The following ALPK2 variants were observed in gnomAD, a reference collection of about 807,000 sequenced individuals.
ALPK2 encodes the protein alpha-protein kinase 2.
Under a neutral mutation model 163.1 loss-of-function variants are expected in ALPK2, and 127 were observed. The observed-to-expected ratio is 0.78, with a 90% CI of 0.67 to 0.90. ALPK2 has a LOEUF of 0.90. ALPK2 is among the 40% of genes least tolerant of loss of function. The pLI, the probability that ALPK2 is intolerant of heterozygous loss-of-function variation, is 0.00. For synonymous variants in ALPK2, 953 were observed against 959.1 expected, an observed-to-expected ratio of 0.99 and a Z score of 0.12; for missense variants, 2,360 against 2,589.6, an observed-to-expected ratio of 0.91 and a Z score of 1.92.
intron 6 of ALPK2, among the ~76,000 whole-genome samples, chr18:58,525,834 A>G (rs2051581395): frequency 6.6e-6 from 1 of 152,130 alleles, no homozygotes; most frequent in African/African-American, 2.4e-5. Flanking sequence ...GAGCAGTAGT[A>G]TTAGTGGGGA....
At chr18:58,585,431 T>C (rs2051980516) in intron 3 of ALPK2, among the ~76,000 whole-genome samples, 1 of 152,184 alleles carries the variant, frequency 6.6e-6, no homozygotes, top group Admixed American at 6.5e-5. Flanking sequence ...ATATCAAGCT[T>C]AACAGAAGAT....
rs761004960 is a variant in ALPK2 at position 58,515,078 on chromosome 18, A to G, written c.5944T>C (p.Cys1982Arg). Reference protein sequence around the residue: ...QRNYKLAAQECYVQNTARYYA... With the variant: ...QRNYKLAAQERYVQNTARYYA... ...TACCTGGCAGTATTTTGAACATAGCATTCCTATATCGCCAAAATACATAGA... is the reference window on the plus strand; with the variant it reads ...TACCTGGCAGTATTTTGAACATAGCGTTCCTATATCGCCAAAATACATAGA... The change falls in exon 10 of 13, where the codon TGC becomes CGC. Residue 1982 changes from cysteine (C) to arginine (R), a missense_variant. By Grantham distance (180) the Cys-to-Arg change is radical. Transcript: ENST00000361673. The G allele has an allele frequency of 6.2e-6, 10 of 1,610,544 alleles. No homozygotes were observed. The South Asian group carries it at 8.8e-5, about 14-fold the overall frequency.
chr18:58,524,720 G>C (rs1282963689), intron 6 of ALPK2, among the ~76,000 whole-genome samples: 1 of 152,138 alleles, frequency 6.6e-6, no homozygotes, highest in Non-Finnish European at 1.5e-5. Context: ...ATCACATAAA[G>C]ATCAATTTCA....
At chr18:58,482,774 A>G (rs896709876) in intron 12 of ALPK2, among the ~76,000 whole-genome samples, 1 of 152,200 alleles carries the variant, frequency 6.6e-6, no homozygotes, top group Middle Eastern at 3.2e-3. Flanking sequence ...ATAAATGGCC[A>G]TGTTTTCATG....
Position 58,493,203 on chromosome 18 carries a change from T to C in ALPK2, c.6296+4846A>G, listed in dbSNP as rs576957961. Among the ~76,000 whole-genome samples, 8 of 152,228 alleles carry C rather than the reference T, an allele frequency of 5.3e-5. No individual in the cohort carries two copies. The South Asian group carries it at 1.7e-3, about 32-fold the overall frequency. The stretch of plus-strand genomic sequence containing the variant: ...GAGATTGGTCCGCTGATGCCTGGCA[T>C]TGGGGACTCAGCTGAAATGTTTGGT... On this transcript the variant is annotated intron_variant, in intron 12 of 12. Coordinates refer to ENST00000361673, the MANE Select transcript of ALPK2 (RefSeq NM_052947.4).
rs1236486336 is a variant in ALPK2 at position 58,536,095 on chromosome 18, T to G, written c.4092A>C (p.Gly1364=). The G allele has an allele frequency of 6.8e-6, 11 of 1,614,156 alleles. No individual in the cohort carries two copies. Among genetic ancestry groups the G allele is most frequent in the Non-Finnish European group, 7.6e-6 (9 of 1,180,024 alleles). ...TDSLSAASET[G]GKENVNNVSQ... is the part of the protein sequence containing the mutation. ...TCACATTGTTAACATTTTCCTTCCC[T>G]CCAGTTTCAGAAGCCGCTGACAGTG... Residue 1364 remains glycine (G), a synonymous_variant, in exon 5 of 13, where the codon GGA becomes GGC. Transcript: ENST00000361673.
chr18:58,551,547 C>T (rs1340508747), intron 4 of ALPK2, among the ~76,000 whole-genome samples: 3 of 152,192 alleles, frequency 2.0e-5, no homozygotes, highest in Non-Finnish European at 2.9e-5. Flanking sequence ...GCAGGGAACA[C>T]GATTCAACCC....
intron 1 of ALPK2, among the ~76,000 whole-genome samples, chr18:58,626,319 C>T (rs544097454): frequency 6.6e-6 from 1 of 152,252 alleles, no homozygotes; most frequent in South Asian, 2.1e-4. Flanking sequence ...TTATCACTGA[C>T]CCCGCGCAAT....
chr18:58,526,155 T>G (rs568990751), intron 6 of ALPK2, among the ~76,000 whole-genome samples: 1 of 152,240 alleles, frequency 6.6e-6, no homozygotes, highest in South Asian at 2.1e-4. Context: ...TCTTTTTACC[T>G]TAGGAAATGG....
At chr18:58,538,338 G>T in intron 4 of ALPK2, 114 bp from the exon 5 acceptor site, 1 of 988,846 alleles carries the variant, frequency 1.0e-6, no homozygotes, top group Non-Finnish European at 1.5e-6. Flanking sequence ...GGACAAGAAT[G>T]ATTGAAATCT....
At chr18:58,626,692 A>C (rs1338654646) in intron 1 of ALPK2, among the ~76,000 whole-genome samples, 1 of 152,174 alleles carries the variant, frequency 6.6e-6, no homozygotes, top group Non-Finnish European at 1.5e-5. Flanking sequence ...TTTTAGTAAA[A>C]AAAAATTTTT....
Position 58,517,089 on chromosome 18 carries a change from G to A in ALPK2, c.5759C>T (p.Thr1920Met), listed in dbSNP as rs372914995. 3.3e-5 allele frequency: 53 copies of A among 1,614,138 alleles called. 2 individuals are homozygous for A. The highest frequency in any genetic ancestry group is 2.3e-4 in the South Asian group (21 of 91,088). ...FGGRLRGQIA[T>M]EELHFGEGVH... ...CCCTTCTCCAAAGTGCAGCTCCTCC[G>A]TGGCGATCTGACCACGCAGGCGGCC... Residue 1920 changes from threonine to methionine, a missense_variant, in exon 9 of 13, where the codon ACG (threonine) becomes ATG (methionine). Coordinates refer to ENST00000361673, the MANE Select transcript of ALPK2 (RefSeq NM_052947.4).
chr18:58,614,915 C>A (rs918493641), intron 1 of ALPK2, among the ~76,000 whole-genome samples: 3 of 152,188 alleles, frequency 2.0e-5, no homozygotes, highest in Admixed American at 6.5e-5. Context: ...CACCCTCCCC[C>A]CCAACACACA....
chr18:58,520,071 C>A (rs2144128904), intron 8 of ALPK2, among the ~76,000 whole-genome samples: 1 of 152,202 alleles, frequency 6.6e-6, no homozygotes, highest in South Asian at 2.1e-4. Flanking sequence ...GCAGAGCCAT[C>A]CGTTGCCAGG....
chr18:58,535,936 AG>A lies in ALPK2; in HGVS notation c.4250del (p.Ala1417ValfsTer46). The A allele has an allele frequency of 6.2e-7, 1 of 1,614,188 alleles. No individual in the cohort carries two copies. Among genetic ancestry groups the A allele is most frequent in the Non-Finnish European group, 8.5e-7 (1 of 1,180,028 alleles). On this transcript the variant is annotated frameshift_variant, in exon 5 of 13. Transcript: ENST00000361673. The stretch of plus-strand genomic sequence containing the variant: ...TGGTTTCAGAGGGCTCTGGTTTTCC[AG>A]CCCTGGTGTACTCTATCACACTTAT... ...DEISVIEYTRAGKPEPSETTP... is the reference protein window; with the variant it reads ...DEISVIEYTRXGKPEPSETTP...
chr18:58,491,499 G>C (rs2051374676), intron 12 of ALPK2, among the ~76,000 whole-genome samples: 1 of 152,122 alleles, frequency 6.6e-6, no homozygotes, highest in African/African-American at 2.4e-5. Flanking sequence ...TGCCCTCGAT[G>C]GATCAACTGG....
At position 58,605,888 on chromosome 18, in the gene ALPK2, T is replaced by C. The variant is rs549586620; in HGVS notation, c.227+1434A>G. Among the ~76,000 whole-genome samples, 7 of 152,312 alleles carry C rather than the reference T, an allele frequency of 4.6e-5. No homozygotes were observed. In the South Asian group the frequency reaches 1.0e-3, roughly 23 times the overall value. On this transcript the variant is annotated intron_variant, in intron 3 of 12. Coordinates refer to ENST00000361673, the MANE Select transcript of ALPK2 (RefSeq NM_052947.4). ...TGACATTTTGTAAGGGTGTGGACAA[T>C]GTTTGTGTTATTTACCTCCATCTCT...
chr18:58,556,174 C>A (rs1316461159), intron 4 of ALPK2, among the ~76,000 whole-genome samples: 1 of 151,996 alleles, frequency 6.6e-6, no homozygotes, highest in Non-Finnish European at 1.5e-5. Flanking sequence ...AGATCTCACA[C>A]ACACACACAC....
intron 10 of ALPK2, among the ~76,000 whole-genome samples, chr18:58,514,404 A>C (rs1165419830): frequency 6.6e-6 from 1 of 152,198 alleles, no homozygotes; most frequent in African/African-American, 2.4e-5. Flanking sequence ...TATGATCTCA[A>C]CCAGACAAAA....
Sources: allele counts gnomAD v4.1 joint callset (sites outside exome capture counted in the v4.1 genomes callset), GRCh38; gene constraint gnomAD v4.1.1; transcripts MANE v1.5; gene names NCBI Gene and HGNC (gene_info 2026-07-23, HGNC 2026-07-21).